Variants in FRMD6 observed in about 807,000 individuals in gnomAD.
FRMD6 encodes the protein FERM domain containing 6, also known as FERM domain-containing protein 6.
Under a neutral mutation model 73.2 loss-of-function variants are expected in FRMD6, and 37 were observed. The observed-to-expected ratio is 0.51, with a 90% confidence interval of 0.39 to 0.66. FRMD6 has a LOEUF of 0.66. Ranked by LOEUF, FRMD6 falls within the 30% of genes least tolerant of loss-of-function variation. FRMD6 has a pLI of 0.00. For missense variants in FRMD6, 714 were observed against 780.5 expected (o/e 0.91, Z 1.02); for synonymous variants, 273 against 282.2 (o/e 0.97, Z 0.33).
At chr14:51,682,540 T>C (rs1400548683) in intron 1 of FRMD6, among the ~76,000 whole-genome samples, 1 of 152,180 alleles carries the variant, frequency 6.6e-6, no homozygotes, top group Non-Finnish European at 1.5e-5. Flanking sequence ...TAAGATAACT[T>C]GCTGGCTCAC....
the FRMD6 span, among the ~76,000 whole-genome samples, chr14:51,426,903 G>C: frequency 0.087 from 13,167 of 152,186 alleles, 606 homozygotes; most frequent in East Asian, 0.12. Context: ...CACTGCATTA[G>C]CTTAGAGCTG....
intron 10 of FRMD6, among the ~76,000 whole-genome samples, chr14:51,716,870 A>G (rs1274751697): frequency 1.3e-5 from 2 of 152,220 alleles, no homozygotes; most frequent in Non-Finnish European, 2.9e-5. Flanking sequence ...AACCTGTGAG[A>G]ATAGGTGACA....
chr14:51,417,993 C>T, the FRMD6 span, among the ~76,000 whole-genome samples: 53 of 152,240 alleles, frequency 3.5e-4, no homozygotes, highest in East Asian at 8.1e-3. Context: ...CCACGGTTTT[C>T]GGCTCCATCA....
intron 12 of FRMD6, among the ~76,000 whole-genome samples, chr14:51,725,299 C>T (rs185635115): frequency 2.0e-4 from 31 of 152,246 alleles, no homozygotes; most frequent in African/African-American, 7.2e-4. Flanking sequence ...CAGGATCCAG[C>T]CAGATCTATC....
chr14:51,442,517 A>ACCC, the FRMD6 span, among the ~76,000 whole-genome samples: 1 of 152,088 alleles, frequency 6.6e-6, no homozygotes, highest in Non-Finnish European at 1.5e-5. Flanking sequence ...TCCTATCTCT[A>ACCC]CTTCTATTCT....
chr14:51,729,188 C>T lies in FRMD6; in HGVS notation c.*1159C>T, dbSNP rs1176051249. On this transcript the variant is annotated 3_prime_UTR_variant, in exon 14 of 14. Transcript: ENST00000344768. ...CTTTTAAAAAATAATGACTGAGTCT[C>T]CCACCAGACCGATTACATCATTCTC... is the stretch of plus-strand genomic sequence containing the variant. The T allele has an allele frequency of 2.6e-5, 4 of 152,144 alleles. No individual in the cohort carries two copies. The highest frequency in any genetic ancestry group is 3.9e-4 in the East Asian group (2 of 5,188). The allele number at this position is 152,144 out of a possible 1,614,324, so 9.4% of individuals were successfully genotyped here.
At chr14:51,423,380 C>T in the FRMD6 span, among the ~76,000 whole-genome samples, 13 of 152,306 alleles carry the variant, frequency 8.5e-5, no homozygotes, top group African/African-American at 2.6e-4. Flanking sequence ...GTCCCCTTGT[C>T]TTGGAAAGGG....
chr14:51,525,055 G>C (rs144548550), intron 1 of FRMD6, among the ~76,000 whole-genome samples: 4,884 of 120,224 alleles, frequency 0.041, 149 homozygotes, highest in Admixed American at 0.092. Flanking sequence ...GAGAGAGAGA[G>C]AGACAGACAA....
chr14:51,714,714 A>T (rs1897150507), intron 9 of FRMD6: 1 of 152,178 alleles, frequency 6.6e-6, no homozygotes, highest in Admixed American at 6.5e-5. Flanking sequence ...TAAACCCCAA[A>T]TAGATATCCT....
At chr14:51,696,254 T>G (rs566493576) in intron 2 of FRMD6, among the ~76,000 whole-genome samples, 3 of 151,722 alleles carry the variant, frequency 2.0e-5, no homozygotes, top group Non-Finnish European at 4.4e-5. Flanking sequence ...CCTGGGTGGT[T>G]TCTTAAACTC....
chr14:51,667,399 G>C (rs1047860618), intron 1 of FRMD6, among the ~76,000 whole-genome samples: 5 of 152,126 alleles, frequency 3.3e-5, no homozygotes, highest in African/African-American at 1.2e-4. Flanking sequence ...AAAAAACTCG[G>C]CAGTGAATTT....
At chr14:51,572,737 C>A (rs978250233) in intron 2 of FRMD6, among the ~76,000 whole-genome samples, 1 of 152,160 alleles carries the variant, frequency 6.6e-6, no homozygotes, top group Non-Finnish European at 1.5e-5. Context: ...AAACGAATGC[C>A]TAAGATGGTT....
chr14:51,468,338 A>AGAGGGGGAGGGGGAG, the FRMD6 span, among the ~76,000 whole-genome samples: 1 of 147,562 alleles, frequency 6.8e-6, no homozygotes, highest in Non-Finnish European at 1.5e-5. Context: ...AGGGGGAGGG[A>AGAGGGGGAGGGGGAG]GCAGATTTAT....
chr14:51,631,299 C>T (rs919892249), intron 2 of FRMD6, among the ~76,000 whole-genome samples: 18 of 152,216 alleles, frequency 1.2e-4, no homozygotes, highest in Admixed American at 1.3e-4. Context: ...TTACAGGGCA[C>T]TTGGAGGAAT....
chr14:51,606,742 C>G (rs1345747662), intron 2 of FRMD6, among the ~76,000 whole-genome samples: 1 of 152,080 alleles, frequency 6.6e-6, no homozygotes, highest in Non-Finnish European at 1.5e-5. Context: ...GCTGGGAAGA[C>G]CGTGACACGC....
intron 1 of FRMD6, among the ~76,000 whole-genome samples, chr14:51,509,485 C>T (rs931808514): frequency 6.6e-6 from 1 of 151,776 alleles, no homozygotes; most frequent in African/African-American, 2.4e-5. Context: ...GGAGATTGCG[C>T]CACTACACTC....
At chr14:51,556,631 C>G (rs1304868561) in intron 1 of FRMD6, among the ~76,000 whole-genome samples, 2 of 152,202 alleles carry the variant, frequency 1.3e-5, no homozygotes, top group South Asian at 2.1e-4. Context: ...GGCAAAGTTT[C>G]TGTTCCAAAG....
chr14:51,560,514 C>T (rs1250964176), intron 1 of FRMD6, among the ~76,000 whole-genome samples: 5 of 152,120 alleles, frequency 3.3e-5, no homozygotes, highest in East Asian at 3.9e-4. Context: ...GACCAAGTTT[C>T]GCTCTTGTTG....
At chr14:51,710,425 T>C (rs956400040) in intron 7 of FRMD6, among the ~76,000 whole-genome samples, 2 of 152,164 alleles carry the variant, frequency 1.3e-5, no homozygotes, top group Non-Finnish European at 2.9e-5. Flanking sequence ...ACCAGCATTT[T>C]TATGAGCATA....
Sources: allele counts gnomAD v4.1 joint callset (sites outside exome capture counted in the v4.1 genomes callset), GRCh38; gene constraint gnomAD v4.1.1; transcripts MANE v1.5; gene names NCBI Gene and HGNC (gene_info 2026-07-23, HGNC 2026-07-21).